CNTNAP5: variants seen among roughly 807,000 people sequenced by gnomAD.
The protein encoded by CNTNAP5 is contactin associated protein family member 5, also known as contactin-associated protein-like 5.
In CNTNAP5, 72 loss-of-function variants were observed where a neutral mutation model predicts 150.2. The observed-to-expected ratio is 0.48, with a 90% confidence interval of 0.40 to 0.58. CNTNAP5 has a LOEUF of 0.58. Among genes scored for constraint, CNTNAP5 ranks in the 20% least tolerant of loss-of-function variants. CNTNAP5 has a pLI of 0.00. For synonymous variants in CNTNAP5, 672 were observed against 619.8 expected (o/e 1.08, Z -1.25); for missense variants, 1,636 against 1,626.2 (o/e 1.01, Z -0.10).
rs1159166806 is a variant in CNTNAP5, at chr2:124,707,151, AAGAAG to A, written c.2078-40076_2078-40072del. Among the ~76,000 whole-genome samples the A allele has an allele frequency of 6.4e-4, 37 of 58,036 alleles. 2 individuals are homozygous for A. Among genetic ancestry groups the A allele is most frequent in the African/African-American group, 1.5e-3 (32 of 22,006 alleles). The allele number at this position is 58,036 out of a possible 152,430, so 38.1% of individuals were successfully genotyped here. A position where few individuals can be genotyped will look rare whatever the true frequency, so the allele number is the denominator to read the frequency against. On this transcript the variant is annotated intron_variant, in intron 13 of 23. Coordinates refer to ENST00000682447, the MANE Select transcript of CNTNAP5 (RefSeq NM_001367498.1). ...GAAGAAGAAGAAGAGGAAGAAGAAG[AAGAAG>A]AAGAAGAAGAAGAAGAAGAAGAAGA...
intron 21 of CNTNAP5, among the ~76,000 whole-genome samples, chr2:124,891,826 G>A (rs1485863103): frequency 6.6e-6 from 1 of 152,158 alleles, no homozygotes; most frequent in African/African-American, 2.4e-5. Context: ...ATTAGAAACA[G>A]TACATTTCCT....
At chr2:124,591,610 C>T (rs1487346153) in intron 11 of CNTNAP5, among the ~76,000 whole-genome samples, 1 of 152,082 alleles carries the variant, frequency 6.6e-6, no homozygotes, top group East Asian at 1.9e-4. Flanking sequence ...GATATGTCAC[C>T]ATGTTGCACC....
chr2:124,127,710 A>C (rs1427957644), intron 1 of CNTNAP5, among the ~76,000 whole-genome samples: 1 of 152,176 alleles, frequency 6.6e-6, no homozygotes. Context: ...ACCAAAACAG[A>C]GATATAGACC....
At position 124,363,781 on chromosome 2, in the gene CNTNAP5, G is replaced by A. The variant is rs1690286582; in HGVS notation, c.382-53662G>A. 3.3e-5 allele frequency among the ~76,000 whole-genome samples: 5 copies of A among 152,160 alleles called. No homozygotes were observed. In the South Asian group the frequency reaches 8.3e-4, roughly 25 times the overall value. On this transcript the variant is annotated intron_variant, in intron 3 of 23. Transcript: ENST00000682447. ...ATATGTCTATTACCTTGACTGTGGT[G>A]ATACTTTCTAGATGTACGCATATGT...
At chr2:124,225,352 G>T (rs1307923128) in intron 2 of CNTNAP5, among the ~76,000 whole-genome samples, 1 of 152,126 alleles carries the variant, frequency 6.6e-6, no homozygotes, top group Non-Finnish European at 1.5e-5. Flanking sequence ...CAAGTGATCT[G>T]AATCTGTGTA....
chr2:124,087,914 G>A (rs938953687), intron 1 of CNTNAP5, among the ~76,000 whole-genome samples: 1 of 152,020 alleles, frequency 6.6e-6, no homozygotes, highest in African/African-American at 2.4e-5. Flanking sequence ...TAATTATGAT[G>A]GGTCTTGCTA....
At chr2:124,297,810 T>TTTA (rs138310065) in intron 3 of CNTNAP5, among the ~76,000 whole-genome samples, 2,185 of 126,276 alleles carry the variant, frequency 0.017, 19 homozygotes, top group Middle Eastern at 0.033. Context: ...CATCCAATTA[T>TTTA]TTATTATTAT....
intron 11 of CNTNAP5, among the ~76,000 whole-genome samples, chr2:124,607,156 C>T (rs916075163): frequency 1.3e-5 from 2 of 152,102 alleles, no homozygotes; most frequent in Non-Finnish European, 2.9e-5. Flanking sequence ...TAAAACAACA[C>T]CTGGAAACAA....
intron 13 of CNTNAP5, among the ~76,000 whole-genome samples, chr2:124,687,203 A>G (rs1679210512): frequency 1.3e-5 from 2 of 151,910 alleles, no homozygotes; most frequent in African/African-American, 4.8e-5. Context: ...CATGGTATGT[A>G]AGATTGGGAT....
chr2:124,655,947 GAAAGAAAGAAAGAAAGAA>G (rs1408200107), intron 13 of CNTNAP5, among the ~76,000 whole-genome samples: 1 of 88,234 alleles, frequency 1.1e-5, no homozygotes. Flanking sequence ...GAGAGAGAGA[GAAAGAAAGAAAGAAAGAA>G]AGAAAGAAAG....
intron 2 of CNTNAP5, among the ~76,000 whole-genome samples, chr2:124,240,494 T>C (rs914998300): frequency 6.6e-6 from 1 of 152,114 alleles, no homozygotes; most frequent in Non-Finnish European, 1.5e-5. Flanking sequence ...ATGCACTCAC[T>C]GCAATTCTAC....
At chr2:124,785,336 A>G (rs1389796842) in intron 17 of CNTNAP5, among the ~76,000 whole-genome samples, 1 of 152,216 alleles carries the variant, frequency 6.6e-6, no homozygotes, top group African/African-American at 2.4e-5. Flanking sequence ...CCATGCAAGA[A>G]AGCAGGTTCA....
chr2:124,623,808 C>T (rs1218214038), intron 12 of CNTNAP5, among the ~76,000 whole-genome samples: 1 of 152,196 alleles, frequency 6.6e-6, no homozygotes, highest in Non-Finnish European at 1.5e-5. Flanking sequence ...TTGAGACTCA[C>T]TCATGGGTGA....
intron 10 of CNTNAP5, among the ~76,000 whole-genome samples, chr2:124,561,252 G>T (rs949660871): frequency 5.3e-5 from 8 of 152,198 alleles, no homozygotes; most frequent in African/African-American, 1.9e-4. Context: ...GAGATGCTGG[G>T]ATGTGAAAGG....
At chr2:124,359,122 T>C (rs1336407350) in intron 3 of CNTNAP5, among the ~76,000 whole-genome samples, 1 of 152,184 alleles carries the variant, frequency 6.6e-6, no homozygotes. Context: ...CTGATGGTAG[T>C]TTGCATTTCT....
At chr2:124,909,041 GA>G (rs1421645495) in intron 22 of CNTNAP5, among the ~76,000 whole-genome samples, 1 of 151,986 alleles carries the variant, frequency 6.6e-6, no homozygotes, top group Non-Finnish European at 1.5e-5. Flanking sequence ...TATTATTAAA[GA>G]AAGAAAAAAA....
rs567904658 is a variant in CNTNAP5 at position 124,653,620 on chromosome 2, G to A, written c.2077+5662G>A. The stretch of plus-strand genomic sequence containing the variant: ...TCACATGTGAAAAATTAATGATTTA[G>A]TTTAGAAATCTGAGTAAGGAATTGT... On this transcript the variant is annotated intron_variant, in intron 13 of 23. Coordinates refer to ENST00000682447, the MANE Select transcript of CNTNAP5 (RefSeq NM_001367498.1). Among the ~76,000 whole-genome samples the A allele has an allele frequency of 5.3e-5, 8 of 150,588 alleles. No individual in the cohort carries two copies. In the East Asian group the frequency reaches 1.5e-3, roughly 29 times the overall value.
intron 3 of CNTNAP5, among the ~76,000 whole-genome samples, chr2:124,413,263 A>G (rs1691823525): frequency 6.6e-6 from 1 of 150,932 alleles, no homozygotes; most frequent in Non-Finnish European, 1.5e-5. Context: ...AGAAATAGCA[A>G]CACTTTTACA....
intron 7 of CNTNAP5, 87 bp downstream of exon 7, chr2:124,474,969 GT>G: frequency 8.7e-7 from 1 of 1,152,602 alleles, no homozygotes; most frequent in Non-Finnish European, 1.2e-6. Context: ...GAACCCATTC[GT>G]AATGTGTTTA....
Sources: allele counts gnomAD v4.1 joint callset (sites outside exome capture counted in the v4.1 genomes callset), GRCh38; gene constraint gnomAD v4.1.1; transcripts MANE v1.5; gene names NCBI Gene and HGNC (gene_info 2026-07-23, HGNC 2026-07-21).